The following CEP128 variants were observed in gnomAD, a reference collection of about 807,000 sequenced individuals.
CEP128 encodes the protein centrosomal protein 128kDa.
CEP128 carries 132 observed loss-of-function variants against 156.7 expected under a neutral mutation model. The observed-to-expected ratio is 0.84, with a 90% CI of 0.73 to 0.97. The LOEUF (loss-of-function observed/expected upper bound fraction) is 0.97, where lower values mean the gene tolerates loss of function less well. CEP128 is among the 50% of genes least tolerant of loss of function. The pLI, the probability that CEP128 is intolerant of heterozygous loss-of-function variation, is 0.00. For missense variants in CEP128, 1,252 were observed against 1,281.9 expected (o/e 0.98, Z 0.36); for synonymous variants, 469 against 448.9 (o/e 1.04, Z -0.57).
intron 10 of CEP128, 93 bp downstream of exon 10, chr14:80,840,589 T>G: frequency 1.3e-6 from 1 of 760,014 alleles, no homozygotes; most frequent in South Asian, 1.6e-5. Context: ...CACAATGTTC[T>G]AAAGGATCCT....
chr14:80,629,586 T>C (rs903869389), intron 19 of CEP128, among the ~76,000 whole-genome samples: 6 of 150,380 alleles, frequency 4.0e-5, no homozygotes, highest in Non-Finnish European at 8.9e-5. Context: ...CGGTCACTAA[T>C]AAAGGATCTA....
chr14:80,890,937 T>C (rs1889069449), intron 8 of CEP128, among the ~76,000 whole-genome samples: 1 of 151,944 alleles, frequency 6.6e-6, no homozygotes, highest in Non-Finnish European at 1.5e-5. Context: ...CAAACAGGTA[T>C]ACAAAAAGGT....
chr14:80,761,696 A>G, intron 16 of CEP128, 83 bp from the exon 17 acceptor site: 1 of 972,050 alleles, frequency 1.0e-6, no homozygotes, highest in Non-Finnish European at 1.5e-6. Flanking sequence ...TCAACCAACT[A>G]GAAGTGGATT....
intron 14 of CEP128, among the ~76,000 whole-genome samples, chr14:80,483,000 A>G (rs1887086212): frequency 1.3e-5 from 2 of 152,230 alleles, no homozygotes; most frequent in South Asian, 4.1e-4. Flanking sequence ...TTAGCCAAAT[A>G]TTGGCAGGTC....
intron 23 of CEP128, among the ~76,000 whole-genome samples, chr14:80,523,689 C>CA (rs1421508343): frequency 1.3e-5 from 2 of 152,128 alleles, no homozygotes; most frequent in African/African-American, 4.8e-5. Context: ...GTTCCTGGCA[C>CA]ACAGCTGACA....
At chr14:80,638,387 C>G (rs1226946406) in intron 19 of CEP128, among the ~76,000 whole-genome samples, 1 of 152,094 alleles carries the variant, frequency 6.6e-6, no homozygotes, top group African/African-American at 2.4e-5. Context: ...AGAAGCAATG[C>G]TGTGTTTAAT....
chr14:80,894,410 A>G (rs1249317211), intron 8 of CEP128, among the ~76,000 whole-genome samples: 1 of 151,966 alleles, frequency 6.6e-6, no homozygotes, highest in Non-Finnish European at 1.5e-5. Flanking sequence ...GAACTACTGC[A>G]ATTAACTAAG....
At chr14:80,875,350 C>G (rs1008636072) in intron 8 of CEP128, among the ~76,000 whole-genome samples, 1 of 152,154 alleles carries the variant, frequency 6.6e-6, no homozygotes, top group Non-Finnish European at 1.5e-5. Flanking sequence ...TATTCTCATA[C>G]GTAATAATGT....
intron 8 of CEP128, among the ~76,000 whole-genome samples, chr14:80,882,680 A>C (rs1566690696): frequency 1.3e-5 from 2 of 152,060 alleles, no homozygotes; most frequent in Non-Finnish European, 2.9e-5. Flanking sequence ...GTCCATCAAC[A>C]GATGAATGGA....
intron 19 of CEP128, among the ~76,000 whole-genome samples, chr14:80,631,563 C>T (rs992692342): frequency 2.6e-5 from 4 of 151,960 alleles, no homozygotes; most frequent in Non-Finnish European, 5.9e-5. Flanking sequence ...ATATGTGATT[C>T]GGTATCTGCA....
chr14:80,681,832 A>G (rs547232371), intron 19 of CEP128, among the ~76,000 whole-genome samples: 2 of 152,304 alleles, frequency 1.3e-5, no homozygotes, highest in East Asian at 3.9e-4. Flanking sequence ...AGTCTAATAC[A>G]GTGAGTCATC....
At chr14:80,828,202 C>T (rs1211112487) in intron 13 of CEP128, among the ~76,000 whole-genome samples, 1 of 148,830 alleles carries the variant, frequency 6.7e-6, no homozygotes, top group Non-Finnish European at 1.5e-5. Context: ...CGGCTCACTG[C>T]AACCTCCGCC....
Position 80,763,881 on chromosome 14 carries a change from G to A in CEP128, c.2377-2268C>T, listed in dbSNP as rs80010277. 3.9e-3 allele frequency among the ~76,000 whole-genome samples: 591 copies of A among 152,168 alleles called. 7 individuals carry two copies. The highest frequency in any genetic ancestry group is 0.014 in the African/African-American group (566 of 41,510). The stretch of plus-strand genomic sequence containing the variant: ...TGTCCTAGGAGGTTTCTCCCCACAC[G>A]TACATAAGGCCTCCTGATGGTGCAG... On this transcript the variant is annotated intron_variant, in intron 16 of 24. Transcript: ENST00000555265.
intron 16 of CEP128, among the ~76,000 whole-genome samples, chr14:80,767,787 T>C (rs537078042): frequency 1.5e-3 from 225 of 152,246 alleles, no homozygotes; most frequent in African/African-American, 5.2e-3. Flanking sequence ...AAAAAAGGAA[T>C]GGCAAATGGG....
At chr14:80,826,612 T>C (rs556338199) in intron 13 of CEP128, among the ~76,000 whole-genome samples, 93 of 152,274 alleles carry the variant, frequency 6.1e-4, no homozygotes, top group African/African-American at 2.1e-3. Flanking sequence ...TAAGCTATTA[T>C]TGATTATCCT....
intron 23 of CEP128, 105 bp downstream of exon 23, chr14:80,526,764 C>A: frequency 1.8e-6 from 1 of 560,726 alleles, no homozygotes; most frequent in Non-Finnish European, 3.2e-6. Flanking sequence ...AAAATATTTT[C>A]TTTCACAAGT....
At chr14:80,597,351 C>T (rs1436550043) in intron 19 of CEP128, among the ~76,000 whole-genome samples, 1 of 152,040 alleles carries the variant, frequency 6.6e-6, no homozygotes, top group Admixed American at 6.5e-5. Flanking sequence ...ATATGGAACA[C>T]AAAGTACCAT....
intron 19 of CEP128, among the ~76,000 whole-genome samples, chr14:80,676,058 T>C (rs2140946473): frequency 6.6e-6 from 1 of 152,270 alleles, no homozygotes; most frequent in Non-Finnish European, 1.5e-5. Context: ...CCTAAATATT[T>C]TAGAACCAGT....
chr14:80,627,740 CTTT>C (rs11287309), intron 19 of CEP128, among the ~76,000 whole-genome samples: 56 of 129,520 alleles, frequency 4.3e-4, no homozygotes, highest in Non-Finnish European at 5.5e-4. Context: ...TTATTATTTT[CTTT>C]TTTTTTTTTT....
Sources: gnomAD v4.1 joint callset for allele counts (sites outside exome capture counted in the v4.1 genomes callset) on GRCh38, gnomAD v4.1.1 for gene constraint, MANE v1.5 for transcripts, NCBI Gene and HGNC (gene_info 2026-07-23, HGNC 2026-07-21) for gene names.